The following EYS variants were observed in gnomAD, a reference collection of about 807,000 sequenced individuals.
EYS encodes the protein protein eyes shut homolog.
In EYS, 250 loss-of-function variants were observed where a neutral mutation model predicts 282.1. The ratio of observed to expected loss-of-function variants is 0.89; its 90% CI spans 0.80 to 0.98. The LOEUF (loss-of-function observed/expected upper bound fraction) is 0.98. Ranked by LOEUF, EYS falls within the 50% of genes least tolerant of loss-of-function variation. EYS has a pLI of 0.00. For synonymous variants in EYS, 1,355 were observed against 1,282.9 expected (o/e 1.06, Z -1.20); for missense variants, 4,016 against 3,709.0 (o/e 1.08, Z -2.15).
At chr6:64,566,300 C>T (rs1398357012) in intron 26 of EYS, among the ~76,000 whole-genome samples, 2 of 152,112 alleles carry the variant, frequency 1.3e-5, no homozygotes, top group African/African-American at 2.4e-5. Flanking sequence ...ACCCTGGGAG[C>T]AGACATGTAT....
chr6:64,179,480 A>G (rs752226250), intron 31 of EYS, among the ~76,000 whole-genome samples: 11 of 152,274 alleles, frequency 7.2e-5, no homozygotes, highest in Non-Finnish European at 1.3e-4. Context: ...TGAGCTTATT[A>G]CTTCTCATGA....
chr6:65,240,128 C>T (rs1767021561), intron 12 of EYS, among the ~76,000 whole-genome samples: 2 of 151,934 alleles, frequency 1.3e-5, no homozygotes, highest in Admixed American at 1.3e-4. Context: ...ACCACCACAC[C>T]CAGCTAATTT....
chr6:65,056,374 C>T (rs913186904), intron 13 of EYS, among the ~76,000 whole-genome samples: 1 of 151,962 alleles, frequency 6.6e-6, no homozygotes, highest in African/African-American at 2.4e-5. Flanking sequence ...AGAAAAACAG[C>T]TATTTTTTAA....
intron 12 of EYS, among the ~76,000 whole-genome samples, chr6:65,196,149 T>G (rs113459778): frequency 0.011 from 1,649 of 152,148 alleles, 33 homozygotes; most frequent in African/African-American, 0.038. Context: ...ATAATTTTGT[T>G]CACCCATAAA....
chr6:65,120,676 G>C (rs1008550039), intron 12 of EYS, among the ~76,000 whole-genome samples: 4 of 151,978 alleles, frequency 2.6e-5, no homozygotes, highest in African/African-American at 9.7e-5. Flanking sequence ...CACCTAAAAA[G>C]CACAAGCCAA....
intron 5 of EYS, among the ~76,000 whole-genome samples, chr6:65,431,781 GT>G (rs1432915602): frequency 6.6e-6 from 1 of 152,032 alleles, no homozygotes; most frequent in East Asian, 1.9e-4. Context: ...GTTTTAAAAT[GT>G]GAGCTAGTAA....
chr6:64,230,724 C>G lies in EYS; in HGVS notation c.6292G>C (p.Ala2098Pro). 6.4e-7 allele frequency: 1 copy of G among 1,551,534 alleles called. No individual in the cohort carries two copies. The highest frequency in any genetic ancestry group is 8.7e-7 in the Non-Finnish European group (1 of 1,146,900). The change falls in exon 31 of 43, where the codon GCA (alanine) becomes CCA (proline). Residue 2098 changes from alanine to proline, a missense_variant. Coordinates refer to ENST00000503581, the MANE Select transcript of EYS (RefSeq NM_001142800.2). ...TMWTSVSPSV[A>P]APSVCQQDVC... ...TCCTGCTGGCACACAGAGGGTGCTG[C>G]AACAGAGGGGCTGACAGAAGTCCAC... is the stretch of plus-strand genomic sequence containing the variant.
At chr6:64,847,553 T>A (rs1327709897) in intron 19 of EYS, among the ~76,000 whole-genome samples, 2 of 152,024 alleles carry the variant, frequency 1.3e-5, no homozygotes, top group East Asian at 3.9e-4. Context: ...ATATCCAATT[T>A]TCCTAAAATA....
intron 12 of EYS, among the ~76,000 whole-genome samples, chr6:65,107,573 T>C (rs1463736909): frequency 4.0e-5 from 6 of 151,774 alleles, no homozygotes; most frequent in Non-Finnish European, 7.4e-5. Context: ...TATTATAATG[T>C]ATTATAATAT....
At chr6:65,492,558 T>C (rs566690682) in intron 4 of EYS, among the ~76,000 whole-genome samples, 1 of 152,332 alleles carries the variant, frequency 6.6e-6, no homozygotes, top group African/African-American at 2.4e-5. Context: ...TAAAACTCTT[T>C]GGACAGGTGA....
At chr6:64,023,881 CG>C (rs1562157511) in intron 33 of EYS, among the ~76,000 whole-genome samples, 2 of 152,194 alleles carry the variant, frequency 1.3e-5, no homozygotes, top group African/African-American at 4.8e-5. Flanking sequence ...AGTGGCCGGC[CG>C]GCCCCGCCAG....
At chr6:65,391,896 C>T (rs963207835) in intron 7 of EYS, among the ~76,000 whole-genome samples, 1 of 152,160 alleles carries the variant, frequency 6.6e-6, no homozygotes, top group South Asian at 2.1e-4. Context: ...AAGCTGGAGG[C>T]ATCACGCTAC....
At chr6:65,419,150 A>T (rs1323802333) in intron 5 of EYS, among the ~76,000 whole-genome samples, 1 of 151,992 alleles carries the variant, frequency 6.6e-6, no homozygotes, top group Non-Finnish European at 1.5e-5. Context: ...TTGGAAGGTG[A>T]ATAAAATATA....
chr6:65,474,829 A>G (rs1765339585), intron 5 of EYS, among the ~76,000 whole-genome samples: 1 of 152,056 alleles, frequency 6.6e-6, no homozygotes. Context: ...TGAGTAGTGA[A>G]GATGAAAGAG....
chr6:64,761,193 A>G (rs1030178911), intron 22 of EYS, among the ~76,000 whole-genome samples: 1 of 152,194 alleles, frequency 6.6e-6, no homozygotes, highest in Non-Finnish European at 1.5e-5. Context: ...GGAGAGATTT[A>G]TGTGGAGCAG....
intron 33 of EYS, among the ~76,000 whole-genome samples, chr6:64,046,870 T>C (rs1170580410): frequency 6.6e-6 from 1 of 152,226 alleles, no homozygotes. Context: ...GCTCTATACA[T>C]TTTCCATTCT....
intron 31 of EYS, among the ~76,000 whole-genome samples, chr6:64,131,723 A>G (rs373335034): frequency 5.0e-4 from 76 of 152,280 alleles, no homozygotes; most frequent in African/African-American, 1.7e-3. Context: ...AGTGCTGACA[A>G]GTGGTGAAGT....
intron 26 of EYS, among the ~76,000 whole-genome samples, chr6:64,461,276 A>AT (rs1394155372): frequency 6.6e-5 from 10 of 152,234 alleles, no homozygotes; most frequent in South Asian, 2.1e-4. Context: ...CATAAATATG[A>AT]TTTTTTCTCA....
chr6:64,894,914 T>C (rs987850755), intron 18 of EYS, among the ~76,000 whole-genome samples: 2 of 152,096 alleles, frequency 1.3e-5, no homozygotes, highest in Admixed American at 1.3e-4. Flanking sequence ...TACAGTGTAG[T>C]TGATATATTT....
Sources: allele counts gnomAD v4.1 joint callset (sites outside exome capture counted in the v4.1 genomes callset), GRCh38; gene constraint gnomAD v4.1.1; transcripts MANE v1.5; gene names NCBI Gene and HGNC (gene_info 2026-07-23, HGNC 2026-07-21).